RRP1: variants seen among roughly 807,000 people sequenced by gnomAD.
The protein encoded by RRP1 is ribosomal RNA processing protein 1 homolog A.
In RRP1, 37 loss-of-function variants were observed where a neutral mutation model predicts 54.6. That is an observed-to-expected ratio of 0.68 (90% confidence interval 0.52 to 0.89). RRP1 has a LOEUF of 0.89. Ranked by LOEUF, RRP1 falls within the 40% of genes least tolerant of loss-of-function variation. The probability of loss-of-function intolerance (pLI) is 0.00; values close to 1 mark genes in which losing one functional copy is unlikely to be tolerated. For synonymous variants in RRP1, 262 were observed against 244.3 expected, an observed-to-expected ratio of 1.07 and a Z score of -0.67; for missense variants, 639 against 612.5, an observed-to-expected ratio of 1.04 and a Z score of -0.46.
At chr21:43,789,810 G>T (rs2084938095) in intron 1 of RRP1, 48 bp downstream of exon 1, 1 of 1,461,368 alleles carries the variant, frequency 6.8e-7, no homozygotes, top group Non-Finnish European at 9.0e-7. Context: ...GGCTGGGCTG[G>T]TGCGGGTGTG....
At chr21:43,800,003 G>A (rs951839404) in intron 9 of RRP1, among the ~76,000 whole-genome samples, 1 of 152,246 alleles carries the variant, frequency 6.6e-6, no homozygotes, top group Non-Finnish European at 1.5e-5. Flanking sequence ...GTGCTGGTGG[G>A]GAATGAGATG....
At chr21:43,793,287 A>C (rs771998191) in intron 3 of RRP1, 32 bp from the exon 4 acceptor site, 1 of 1,604,450 alleles carries the variant, frequency 6.2e-7, no homozygotes, top group Non-Finnish European at 8.5e-7. Context: ...CGTGCTCCTC[A>C]GTGGTTCTCT....
rs1322400431 is a variant in RRP1 at position 43,789,578 on chromosome 21, G to A, written c.-52G>A. On this transcript the variant is annotated 5_prime_UTR_variant, in exon 1 of 13. It adds an upstream start codon to the 5' untranslated region. Coordinates refer to ENST00000497547, the MANE Select transcript of RRP1 (RefSeq NM_003683.6). ...GGCGGGCGCAGGAGGCGCGTGCTCA[G>A]TGTGCTGGGTACCAGGCGACTCCGG... 2 of 1,549,262 alleles carry A rather than the reference G, an allele frequency of 1.3e-6. No homozygotes were observed. The highest frequency in any genetic ancestry group is 1.7e-6 in the Non-Finnish European group (2 of 1,151,356).
chr21:43,792,830 A>G (rs763217418), intron 3 of RRP1, 101 bp downstream of exon 3: 289 of 1,280,204 alleles, frequency 2.3e-4, no homozygotes, highest in Non-Finnish European at 2.7e-4. Context: ...AATCCAGAGT[A>G]AGGAATGCCT....
intron 7 of RRP1, 22 bp downstream of exon 7, chr21:43,797,717 C>T (rs745800784): frequency 1.6e-5 from 26 of 1,612,010 alleles, no homozygotes; most frequent in Non-Finnish European, 2.1e-5. Context: ...GTGGCCTGAT[C>T]GGGCCCGACT....
intron 11 of RRP1, among the ~76,000 whole-genome samples, chr21:43,801,102 C>T (rs1275007951): frequency 3.9e-5 from 6 of 152,144 alleles, no homozygotes; most frequent in Non-Finnish European, 7.4e-5. Context: ...CATTGGAGTG[C>T]CCCAGAGCCT....
intron 11 of RRP1, among the ~76,000 whole-genome samples, chr21:43,801,774 G>C (rs1384186033): frequency 1.3e-5 from 2 of 152,206 alleles, no homozygotes; most frequent in Non-Finnish European, 2.9e-5. Context: ...AAGTTGCCTT[G>C]GGCCGCCAGC....
intron 2 of RRP1, among the ~76,000 whole-genome samples, chr21:43,791,658 A>G (rs1354577282): frequency 6.6e-6 from 1 of 152,076 alleles, no homozygotes; most frequent in African/African-American, 2.4e-5. Context: ...ACCTGCCACC[A>G]TGCCTGGCTA....
chr21:43,797,071 C>T (rs1017081766), intron 5 of RRP1, among the ~76,000 whole-genome samples: 1 of 152,172 alleles, frequency 6.6e-6, no homozygotes, highest in African/African-American at 2.4e-5. Context: ...CCAGGCAGGG[C>T]GTCTCGTCTC....
At chr21:43,799,720 G>T in intron 9 of RRP1, 71 bp downstream of exon 9, 1 of 1,430,618 alleles carries the variant, frequency 7.0e-7, no homozygotes. Flanking sequence ...TCTGGAAGAG[G>T]AGGGGGGCGT....
At chr21:43,794,190 G>T (rs900784200) in intron 4 of RRP1, among the ~76,000 whole-genome samples, 13 of 152,188 alleles carry the variant, frequency 8.5e-5, no homozygotes, top group African/African-American at 2.9e-4. Context: ...GATTCTAGAA[G>T]TGGAGACCAG....
chr21:43,797,221 A>C, intron 5 of RRP1: 1 of 758,020 alleles, frequency 1.3e-6, no homozygotes, highest in East Asian at 3.0e-5. Context: ...TAACTCCCTA[A>C]CTGCAAGACT....
intron 9 of RRP1, among the ~76,000 whole-genome samples, 169 bp downstream of exon 9, chr21:43,799,818 G>A (rs903436230): frequency 2.6e-5 from 4 of 152,152 alleles, no homozygotes; most frequent in South Asian, 2.1e-4. Context: ...AACCCTGCCC[G>A]CCTGTAGACG....
rs762699166 is a variant in RRP1, at chr21:43,789,727, G to A, written c.98G>A (p.Arg33Gln). 9.1e-6 allele frequency: 14 copies of A among 1,541,808 alleles called. No homozygotes were observed. The highest frequency in any genetic ancestry group is 1.4e-5 in the African/African-American group (1 of 71,108). Reference protein sequence around the residue: ...VTRDRAVRKLRKYIVARTQRA... With the variant: ...VTRDRAVRKLQKYIVARTQRA... ...CGGGACCGGGCGGTGAGGAAGCTCC[G>A]GAAATACATCGTCGCCAGGACTCAG... The change falls in exon 1 of 13, where the codon CGG becomes CAG. Residue 33 changes from arginine (R) to glutamine (Q), a missense_variant. Physicochemically the swap from Arg to Gln is conservative, Grantham distance 43. Transcript: ENST00000497547.
intron 2 of RRP1, 60 bp from the exon 3 acceptor site, chr21:43,792,612 T>G: frequency 6.5e-7 from 1 of 1,546,500 alleles, no homozygotes; most frequent in Non-Finnish European, 8.9e-7. Context: ...GTTGCGTGTG[T>G]GTCATTGTGA....
intron 5 of RRP1, 45 bp from the exon 6 acceptor site, chr21:43,797,377 G>A: frequency 6.3e-7 from 1 of 1,578,634 alleles, no homozygotes; most frequent in Non-Finnish European, 8.6e-7. Context: ...GGCTGTCTTG[G>A]GGCTCATCGA....
chr21:43,803,305 G>T (rs1254085850), intron 12 of RRP1, among the ~76,000 whole-genome samples: 1 of 152,174 alleles, frequency 6.6e-6, no homozygotes, highest in Admixed American at 6.5e-5. Context: ...CCTCACGCTG[G>T]TCCTTCTGAG....
At chr21:43,792,377 G>A (rs1354870728) in intron 2 of RRP1, among the ~76,000 whole-genome samples, 5 of 152,216 alleles carry the variant, frequency 3.3e-5, no homozygotes, top group Non-Finnish European at 5.9e-5. Context: ...TGACTCTGTG[G>A]CTTAGGGCAC....
chr21:43,799,714 G>T, intron 9 of RRP1, 65 bp downstream of exon 9: 1 of 1,454,510 alleles, frequency 6.9e-7, no homozygotes, highest in Non-Finnish European at 9.5e-7. Context: ...GCTTGCTCTG[G>T]AAGAGGAGGG....
Sources: gnomAD v4.1 joint callset for allele counts (sites outside exome capture counted in the v4.1 genomes callset) on GRCh38, gnomAD v4.1.1 for gene constraint, MANE v1.5 for transcripts, NCBI Gene and HGNC (gene_info 2026-07-23, HGNC 2026-07-21) for gene names.